Variants in KIF24 observed in about 807,000 individuals in gnomAD.
KIF24 encodes kinesin-like protein KIF24.
KIF24 carries 81 observed loss-of-function variants against 118.9 expected under a neutral mutation model. The ratio of observed to expected loss-of-function variants is 0.68; its 90% CI spans 0.57 to 0.82. The LOEUF is 0.82. Ranked by LOEUF, KIF24 falls within the 40% of genes least tolerant of loss-of-function variation. The pLI is 0.00. For missense variants in KIF24, 1,560 were observed against 1,661.6 expected (o/e 0.94, Z 1.06); for synonymous variants, 599 against 610.0 (o/e 0.98, Z 0.27).
In KIF24 at chr9:34,256,600, T is replaced by A; in HGVS notation, c.3007A>T (p.Thr1003Ser). 6.2e-7 allele frequency: 1 copy of A among 1,613,996 alleles called. No homozygotes were observed. Among genetic ancestry groups the A allele is most frequent in the East Asian group, 2.2e-5 (1 of 44,880 alleles). ...AVPGSPDQRD[T>S]VTTPLREVSA... ...ACTTCTCTCAGAGGTGTGGTGACTGTGTCTCTTTGGTCTGGGGATCCAGGA... is the reference window on the plus strand; with the variant it reads ...ACTTCTCTCAGAGGTGTGGTGACTGAGTCTCTTTGGTCTGGGGATCCAGGA... Residue 1003 changes from threonine (T) to serine (S), a missense_variant, in exon 11 of 13, where the codon ACA becomes TCA. Around this residue, in one of 3 missense-constraint regions of KIF24, gnomAD observed 591 missense variants for 655.6 expected, o/e 0.90. Coordinates refer to ENST00000402558, the MANE Select transcript of KIF24 (RefSeq NM_194313.4).
intron 1 of KIF24, among the ~76,000 whole-genome samples, chr9:34,315,555 TA>T (rs1195558582): frequency 1.3e-5 from 2 of 152,132 alleles, no homozygotes; most frequent in African/African-American, 4.8e-5. Context: ...TACTCATTTT[TA>T]AAAAAAATTA....
At chr9:34,282,706 AG>A (rs1292853335) in intron 6 of KIF24, 5 of 152,096 alleles carry the variant, frequency 3.3e-5, no homozygotes, top group Non-Finnish European at 7.4e-5. Flanking sequence ...AAAAAAAAAA[AG>A]ATACTACATT....
At chr9:34,307,926 T>C (rs1452717384) in intron 2 of KIF24, among the ~76,000 whole-genome samples, 2 of 151,674 alleles carry the variant, frequency 1.3e-5, no homozygotes, top group Admixed American at 6.6e-5. Context: ...GGATTCAGTG[T>C]TCTATTTTTT....
chr9:34,321,579 G>A (rs1384361740), intron 1 of KIF24, among the ~76,000 whole-genome samples: 3 of 105,362 alleles, frequency 2.8e-5, no homozygotes, highest in Non-Finnish European at 4.0e-5. Context: ...AAAAAAAAAA[G>A]CTATACATAC....
chr9:34,254,818 G>T (rs1834757524), intron 12 of KIF24, among the ~76,000 whole-genome samples: 1 of 152,176 alleles, frequency 6.6e-6, no homozygotes, highest in Non-Finnish European at 1.5e-5. Context: ...AAACCGCTAG[G>T]AAGGCAGAGC....
chr9:34,254,703 T>C (rs377706793), intron 12 of KIF24, among the ~76,000 whole-genome samples, 183 bp from the exon 13 acceptor site: 14 of 152,148 alleles, frequency 9.2e-5, no homozygotes, highest in African/African-American at 2.9e-4. Flanking sequence ...CGAGACACTT[T>C]CCAAGCAGAG....
chr9:34,313,619 AT>A (rs2131819212), intron 1 of KIF24, among the ~76,000 whole-genome samples: 1 of 151,518 alleles, frequency 6.6e-6, no homozygotes, highest in East Asian at 1.9e-4. Context: ...GATTAAAATT[AT>A]TTTTTATTAA....
intron 3 of KIF24, among the ~76,000 whole-genome samples, chr9:34,300,268 A>T (rs1357238628): frequency 6.6e-6 from 1 of 152,228 alleles, no homozygotes; most frequent in Non-Finnish European, 1.5e-5. Context: ...CTAAAATATT[A>T]ATAACTACTG....
rs547513729 is a variant in KIF24, at chr9:34,318,801, G to A, written c.-25-7430C>T. 75 of 1,555,782 alleles carry A rather than the reference G, an allele frequency of 4.8e-5. 1 individual carries two copies. Among genetic ancestry groups the A allele is most frequent in the African/African-American group, 4.7e-4 (35 of 74,110 alleles). The stretch of plus-strand genomic sequence containing the variant: ...AACGTGACCTGGAAGCTGTGCAGTC[G>A]CCTGTAGGGACCCAGCTCAGTGAGT... On this transcript the variant is annotated intron_variant, in intron 1 of 12. Transcript: ENST00000402558. The surrounding 1 kb of genome is among the most constrained non-coding windows in gnomAD (Gnocchi z 4.9).
intron 1 of KIF24, among the ~76,000 whole-genome samples, chr9:34,327,791 T>C (rs915816664): frequency 6.6e-6 from 1 of 151,568 alleles, no homozygotes; most frequent in African/African-American, 2.4e-5. Context: ...GCTATTATCA[T>C]GCTAGTGCAC....
At position 34,262,700 on chromosome 9, in the gene KIF24, ATATATATATATATG is replaced by A. The variant is rs1415499689; in HGVS notation, c.1515+387_1515+400del. Among the ~76,000 whole-genome samples the A allele has an allele frequency of 8.3e-3, 661 of 79,926 alleles. 35 individuals are homozygous for A. Among genetic ancestry groups the A allele is most frequent in the African/African-American group, 0.028 (537 of 19,468 alleles). The allele number at this position is 79,926 out of a possible 152,430, so 52.4% of individuals were successfully genotyped here. ...AATATATATATATATATATATATATATATATATATATATGGCCAGGCATGATGGCATATGCCTGT... is the reference window on the plus strand; with the variant it reads ...AATATATATATATATATATATATATAGCCAGGCATGATGGCATATGCCTGT... On this transcript the variant is annotated intron_variant, in intron 9 of 12. Coordinates refer to ENST00000402558, the MANE Select transcript of KIF24 (RefSeq NM_194313.4).
intron 6 of KIF24, among the ~76,000 whole-genome samples, chr9:34,280,002 C>T (rs560164427): frequency 1.3e-5 from 2 of 152,120 alleles, no homozygotes; most frequent in South Asian, 2.1e-4. Flanking sequence ...AGAACAGTGC[C>T]GGCCGGGCGC....
intron 1 of KIF24, among the ~76,000 whole-genome samples, chr9:34,327,846 AAAT>A (rs1554668268): frequency 1.9e-4 from 28 of 149,698 alleles, no homozygotes; most frequent in Admixed American, 1.8e-3. Context: ...AATAAAAAAA[AAAT>A]AATAATAATA....
intron 1 of KIF24, among the ~76,000 whole-genome samples, chr9:34,314,250 G>A (rs1194712257): frequency 1.3e-5 from 2 of 151,800 alleles, no homozygotes; most frequent in Non-Finnish European, 2.9e-5. Flanking sequence ...TGCAACCTCC[G>A]CCTCCCGAGT....
intron 3 of KIF24, among the ~76,000 whole-genome samples, chr9:34,300,904 A>AT (rs1426553062): frequency 1.3e-5 from 2 of 148,326 alleles, no homozygotes; most frequent in Non-Finnish European, 3.0e-5. Flanking sequence ...GTGGGAATAC[A>AT]TTTTTTTGTT....
chr9:34,332,369 C>G (rs776843296), upstream of KIF24, among the ~76,000 whole-genome samples: 2 of 152,286 alleles, frequency 1.3e-5, no homozygotes, highest in Admixed American at 1.3e-4. Context: ...TTCCATCTTA[C>G]GTTGCACAAA....
intron 1 of KIF24, among the ~76,000 whole-genome samples, chr9:34,326,658 C>G (rs1837680915): frequency 6.6e-6 from 1 of 152,012 alleles, no homozygotes; most frequent in Non-Finnish European, 1.5e-5. Context: ...AAAATCAAGC[C>G]ATCAAACACG....
At chr9:34,310,669 C>T (rs1587965227) in intron 2 of KIF24, 55 bp downstream of exon 2, 1 of 1,366,492 alleles carries the variant, frequency 7.3e-7, no homozygotes, top group Non-Finnish European at 1.0e-6. Flanking sequence ...AAGGAGAGGC[C>T]TGCCCTTGCC....
At position 34,253,633 on chromosome 9, in the gene KIF24, G is replaced by A. The variant is rs796076746; in HGVS notation, c.*747C>T. 7 of 152,318 alleles carry A rather than the reference G, an allele frequency of 4.6e-5. No homozygotes were observed. The highest frequency in any genetic ancestry group is 2.0e-4 in the Admixed American group (3 of 15,288). 9.4% of individuals were successfully genotyped at this position (152,318 alleles called of 1,614,324 possible). A position where few individuals can be genotyped will look rare whatever the true frequency, so the allele number is the denominator to read the frequency against. ...GCTGCCATGGAAGCATGAGAGTATC[G>A]GGCATTGTACAGAGGCCTTTCACCC... On this transcript the variant is annotated 3_prime_UTR_variant, in exon 13 of 13. Transcript: ENST00000402558.
Sources: gnomAD v4.1 joint callset for allele counts (sites outside exome capture counted in the v4.1 genomes callset) on GRCh38, gnomAD v4.1.1 for gene constraint, gnomAD v4.1.1 regional missense constraint, Gnocchi (gnomAD v3.1) non-coding constraint, MANE v1.5 for transcripts, NCBI Gene and HGNC (gene_info 2026-07-23, HGNC 2026-07-21) for gene names.